ARHGEF6: variants seen among roughly 807,000 people sequenced by gnomAD.
ARHGEF6 encodes Rac/Cdc42 guanine nucleotide exchange factor 6.
ARHGEF6 carries 9 observed loss-of-function variants against 70.3 expected under a neutral mutation model. The ratio of observed to expected loss-of-function variants is 0.13; its 90% CI spans 0.08 to 0.22. The LOEUF (loss-of-function observed/expected upper bound fraction) is 0.22. Among genes scored for constraint, ARHGEF6 ranks in the 10% least tolerant of loss-of-function variants. The pLI, the probability that ARHGEF6 is intolerant of heterozygous loss-of-function variation, is 1.00. For synonymous variants in ARHGEF6, 201 were observed against 207.8 expected, an observed-to-expected ratio of 0.97 and a Z score of 0.28; for missense variants, 470 against 563.0, an observed-to-expected ratio of 0.83 and a Z score of 1.67.
intron 5 of ARHGEF6, chrX:136,737,497 C>T (rs1298108658): frequency 1.5e-6 from 1 of 688,702 alleles, no homozygotes; most frequent in Non-Finnish European, 1.7e-6. Context: ...TTCACTACAT[C>T]ACTTTTTTCA....
intron 7 of ARHGEF6, 21 bp from the exon 8 acceptor site, chrX:136,708,791 A>G (rs1310171658): frequency 3.6e-6 from 4 of 1,102,878 alleles, no homozygotes; most frequent in Non-Finnish European, 3.7e-6. Context: ...AATACAGTAC[A>G]TGTAGTTATC....
chrX:136,753,865 C>T (rs1922406291), intron 2 of ARHGEF6, among the ~76,000 whole-genome samples: 2 of 112,417 alleles, frequency 1.8e-5, no homozygotes, highest in Admixed American at 1.9e-4. Context: ...CTTTATCTTG[C>T]TGCCACTGCA....
intron 2 of ARHGEF6, chrX:136,767,764 G>A (rs2077332739): frequency 4.0e-6 from 3 of 754,904 alleles, no homozygotes; most frequent in Non-Finnish European, 4.7e-6. Flanking sequence ...GGAGGCACTG[G>A]GCCAGCAGCG....
At chrX:136,730,241 G>T (rs1034569059) in intron 6 of ARHGEF6, among the ~76,000 whole-genome samples, 1 of 110,647 alleles carries the variant, frequency 9.0e-6, no homozygotes, top group Non-Finnish European at 1.9e-5. Context: ...ATCAGATGAG[G>T]GCACTTTTCA....
chrX:136,738,672 C>T (rs1461871563), intron 5 of ARHGEF6, among the ~76,000 whole-genome samples: 2 of 112,364 alleles, frequency 1.8e-5, no homozygotes, highest in African/African-American at 6.5e-5. Context: ...TCCACCACAC[C>T]AGTGTCCAAG....
At chrX:136,725,497 T>C (rs1419466239) in intron 6 of ARHGEF6, among the ~76,000 whole-genome samples, 1 of 110,772 alleles carries the variant, frequency 9.0e-6, no homozygotes, top group Non-Finnish European at 1.9e-5. Context: ...CTTTATTGCT[T>C]TCTTCAATCT....
intron 9 of ARHGEF6, among the ~76,000 whole-genome samples, chrX:136,701,156 G>A (rs985031038): frequency 2.7e-5 from 3 of 111,498 alleles, no homozygotes; most frequent in Non-Finnish European, 3.8e-5. Flanking sequence ...CATGCATAAT[G>A]GGAATATAGA....
intron 6 of ARHGEF6, among the ~76,000 whole-genome samples, chrX:136,727,799 G>T (rs1358137654): frequency 9.0e-6 from 1 of 111,388 alleles, no homozygotes; most frequent in South Asian, 3.9e-4. Context: ...CTCCGAAGGT[G>T]CTGGGATTAC....
chrX:136,700,777 C>A lies in ARHGEF6; in HGVS notation c.1046+6131G>T, dbSNP rs190769250. Among the ~76,000 whole-genome samples, 71 of 111,907 alleles carry A rather than the reference C, an allele frequency of 6.3e-4. No individual in the cohort carries two copies. In the East Asian group the frequency reaches 0.018, roughly 28 times the overall value. ...GCAAGAAAAAAACAGTCTGAGGAGA[C>A]AAAGCAAGCTTTAGAATCAGACTCA... is the stretch of plus-strand genomic sequence containing the variant. On this transcript the variant is annotated intron_variant, in intron 9 of 21. Coordinates refer to ENST00000250617, the MANE Select transcript of ARHGEF6 (RefSeq NM_004840.3).
At chrX:136,757,520 C>G (rs1603353786) in intron 2 of ARHGEF6, among the ~76,000 whole-genome samples, 1 of 112,179 alleles carries the variant, frequency 8.9e-6, no homozygotes, top group East Asian at 2.8e-4. Context: ...TCTTTCTTCA[C>G]TGTGCCTCTC....
chrX:136,693,001 GA>G (rs1386014569), intron 9 of ARHGEF6, among the ~76,000 whole-genome samples: 1 of 112,133 alleles, frequency 8.9e-6, no homozygotes, highest in Non-Finnish European at 1.9e-5. Context: ...TATAATTAGG[GA>G]AATAACTCGG....
At chrX:136,769,505 G>A (rs1348132677) in intron 2 of ARHGEF6, among the ~76,000 whole-genome samples, 1 of 111,940 alleles carries the variant, frequency 8.9e-6, no homozygotes, top group South Asian at 3.7e-4. Flanking sequence ...TGGTAGTAAT[G>A]GTGGAAGAGG....
intron 2 of ARHGEF6, among the ~76,000 whole-genome samples, chrX:136,752,767 C>T (rs938957868): frequency 8.9e-6 from 1 of 112,292 alleles, no homozygotes; most frequent in Non-Finnish European, 1.9e-5. Flanking sequence ...ATATTTCAAG[C>T]CTGTTTTTTA....
intron 6 of ARHGEF6, among the ~76,000 whole-genome samples, chrX:136,726,831 GA>G (rs2076857620): frequency 8.9e-6 from 1 of 112,944 alleles, no homozygotes; most frequent in African/African-American, 3.2e-5. Context: ...CCCCAGAGTT[GA>G]ATATTAGGAT....
At chrX:136,728,354 C>A (rs904955032) in intron 6 of ARHGEF6, among the ~76,000 whole-genome samples, 1 of 110,693 alleles carries the variant, frequency 9.0e-6, no homozygotes, top group African/African-American at 3.3e-5. Flanking sequence ...GCTGGGTGCC[C>A]ACAGCCACTT....
At chrX:136,683,051 C>T (rs748305158) in intron 12 of ARHGEF6, among the ~76,000 whole-genome samples, 1 of 111,845 alleles carries the variant, frequency 8.9e-6, no homozygotes, top group African/African-American at 3.2e-5. Context: ...CAGTTTATCT[C>T]TCTTCTTCTT....
chrX:136,717,092 C>T (rs1445999786), intron 6 of ARHGEF6, among the ~76,000 whole-genome samples: 1 of 111,793 alleles, frequency 8.9e-6, no homozygotes, highest in Non-Finnish European at 1.9e-5. Flanking sequence ...CAAAATTAGT[C>T]AGACACCAAA....
At position 136,759,011 on chromosome X, in the gene ARHGEF6, A is replaced by T. The variant is rs546012803; in HGVS notation, c.250-11419T>A. Among the ~76,000 whole-genome samples the T allele has an allele frequency of 5.4e-5, 6 of 111,964 alleles. No individual in the cohort carries two copies. The South Asian group carries it at 1.1e-3, about 21-fold the overall frequency. ...AACCATTTTCTATTCTGTTGTCTCT[A>T]CTTGAAGGTGATTTTTTAATCTCAA... On this transcript the variant is annotated intron_variant, in intron 2 of 21. Coordinates refer to ENST00000250617, the MANE Select transcript of ARHGEF6 (RefSeq NM_004840.3).
intron 7 of ARHGEF6, among the ~76,000 whole-genome samples, chrX:136,709,201 C>G (rs1243259086): frequency 8.9e-6 from 1 of 111,975 alleles, no homozygotes; most frequent in Non-Finnish European, 1.9e-5. Context: ...TTCTCCTAAA[C>G]TAAAATGCTC....
Sources: allele counts gnomAD v4.1 joint callset (sites outside exome capture counted in the v4.1 genomes callset), GRCh38; gene constraint gnomAD v4.1.1; transcripts MANE v1.5; gene names NCBI Gene and HGNC (gene_info 2026-07-23, HGNC 2026-07-21).